The following ARAP2 variants were observed in gnomAD, a reference collection of about 807,000 sequenced individuals.
ARAP2 encodes the protein arf-GAP with Rho-GAP domain, ANK repeat and PH domain-containing protein 2.
A neutral mutation model predicts 194.5 loss-of-function variants in ARAP2; 148 were observed. That is an observed-to-expected ratio of 0.76 (90% CI 0.67 to 0.87). ARAP2 has a LOEUF of 0.87. ARAP2 is among the 40% of genes least tolerant of loss of function. The pLI, the probability that ARAP2 is intolerant of heterozygous loss-of-function variation, is 0.00. For synonymous variants in ARAP2, 695 were observed against 683.5 expected (o/e 1.02, Z -0.26); for missense variants, 2,128 against 1,989.7 (o/e 1.07, Z -1.32).
intron 6 of ARAP2, among the ~76,000 whole-genome samples, chr4:36,018,383 G>A (rs1647052715): frequency 6.6e-6 from 1 of 150,394 alleles, no homozygotes; most frequent in Admixed American, 6.6e-5. Context: ...TTGACCAACA[G>A]CAATGTAGAA....
At chr4:36,043,916 AAGAGAAAGAAAG>A (rs1721378483) in intron 5 of ARAP2, among the ~76,000 whole-genome samples, 1 of 132,320 alleles carries the variant, frequency 7.6e-6, no homozygotes, top group African/African-American at 2.8e-5. Context: ...GAGAAAGAAA[AAGAGAAAGAAAG>A]AGAGAAAGAA....
chr4:36,199,078 G>C (rs1227381518), intron 6 of ARAP2, among the ~76,000 whole-genome samples: 1 of 152,236 alleles, frequency 6.6e-6, no homozygotes, highest in African/African-American at 2.4e-5. Flanking sequence ...GGAAGGGGCA[G>C]GGCTCCCACT....
Position 36,210,706 on chromosome 4 carries a change from T to C in ARAP2, c.1171A>G (p.Lys391Glu). The C allele has an allele frequency of 3.1e-6, 5 of 1,607,240 alleles. No homozygotes were observed. Among genetic ancestry groups the C allele is most frequent in the South Asian group, 1.1e-5 (1 of 89,652 alleles). ...CGAGGTATCCAAATATCTTCCACCT[T>C]GTCCTCGCTTATTTTCTCCTTTCTG... ...DNRKEKISED[K>E]VEDIWIPRED... is the part of the protein sequence containing the mutation. The change falls in exon 6 of 33, where the codon AAG (lysine) becomes GAG (glutamate). Residue 391 changes from lysine to glutamate, a missense_variant. By Grantham distance (56) the Lys-to-Glu change is moderately conservative. Coordinates refer to ENST00000303965, the MANE Select transcript of ARAP2 (RefSeq NM_015230.4).
chr4:36,196,045 T>A (rs1743026772), intron 6 of ARAP2, among the ~76,000 whole-genome samples: 1 of 152,196 alleles, frequency 6.6e-6, no homozygotes. Flanking sequence ...TCAGCACTCA[T>A]ATAATCAGCA....
chr4:36,218,105 T>C (rs1748372137), intron 2 of ARAP2, among the ~76,000 whole-genome samples: 3 of 152,090 alleles, frequency 2.0e-5, no homozygotes, highest in African/African-American at 4.8e-5. Flanking sequence ...AAACACTATA[T>C]TACTGATAAA....
intron 30 of ARAP2, among the ~76,000 whole-genome samples, chr4:36,080,499 C>T (rs1729273278): frequency 6.6e-6 from 1 of 152,166 alleles, no homozygotes; most frequent in Non-Finnish European, 1.5e-5. Context: ...AAACAAAATA[C>T]AACTGAAGCC....
At chr4:36,071,815 G>T (rs923684811) in intron 32 of ARAP2, among the ~76,000 whole-genome samples, 1 of 150,870 alleles carries the variant, frequency 6.6e-6, no homozygotes, top group South Asian at 2.1e-4. Flanking sequence ...TCGTCATCTA[G>T]CATTAGGTAT....
intron 6 of ARAP2, among the ~76,000 whole-genome samples, chr4:36,195,585 T>C (rs1317830057): frequency 1.3e-5 from 2 of 152,226 alleles, no homozygotes; most frequent in Non-Finnish European, 2.9e-5. Context: ...TAGAGCTCAA[T>C]TACATATATA....
At chr4:36,210,109 C>T (rs367927332) in intron 6 of ARAP2, among the ~76,000 whole-genome samples, 21 of 152,158 alleles carry the variant, frequency 1.4e-4, no homozygotes, top group East Asian at 1.4e-3. Context: ...CATTTTGATG[C>T]GAACTTAGAA....
chr4:36,105,303 G>T (rs1160360861), intron 27 of ARAP2, among the ~76,000 whole-genome samples: 1 of 151,994 alleles, frequency 6.6e-6, no homozygotes, highest in Non-Finnish European at 1.5e-5. Flanking sequence ...TAGCCTAGGT[G>T]ACACAGCAAG....
At chr4:36,047,793 A>C (rs928448542) in intron 3 of ARAP2, among the ~76,000 whole-genome samples, 23 of 152,206 alleles carry the variant, frequency 1.5e-4, no homozygotes, top group Non-Finnish European at 2.1e-4. Context: ...AAATTTCATT[A>C]GTATTCTTAT....
intron 27 of ARAP2, among the ~76,000 whole-genome samples, chr4:36,093,631 A>T (rs1197156949): frequency 6.6e-6 from 1 of 152,158 alleles, no homozygotes; most frequent in Non-Finnish European, 1.5e-5. Flanking sequence ...CAACTTAAAA[A>T]AAAATTGTAT....
intron 11 of ARAP2, 94 bp from the exon 12 acceptor site, chr4:36,161,644 C>T (rs1411560816): frequency 1.1e-5 from 11 of 957,600 alleles, no homozygotes; most frequent in South Asian, 5.7e-5. Flanking sequence ...TGTGTATGTT[C>T]GTTGCGTATC....
At chr4:36,177,585 A>C (rs1738253011) in intron 9 of ARAP2, among the ~76,000 whole-genome samples, 2 of 152,144 alleles carry the variant, frequency 1.3e-5, no homozygotes, top group African/African-American at 4.8e-5. Context: ...TATTTTCAAT[A>C]ATTTTACTTC....
chr4:36,044,252 A>G lies in ARAP2; in HGVS notation n.607+1727T>C, dbSNP rs529692584. Among the ~76,000 whole-genome samples, 3 of 152,358 alleles carry G rather than the reference A, an allele frequency of 2.0e-5. No homozygotes were observed. The South Asian group carries it at 6.2e-4, about 32-fold the overall frequency. Reference sequence around the variant, plus strand: ...TTATTTGGCAAACTAGAGGCCATTCATGATCTCGATTAGAAGTAGTTTGTT... The same window carrying G: ...TTATTTGGCAAACTAGAGGCCATTCGTGATCTCGATTAGAAGTAGTTTGTT... On this transcript the variant is annotated intron_variant and non_coding_transcript_variant, in intron 5 of 12. Coordinates refer to the ARAP2 transcript ENST00000503225.
At position 36,095,324 on chromosome 4, in the gene ARAP2, G is replaced by A. The variant is rs1341104979; in HGVS notation, c.4286-3304C>T. ...ATTTTATTTTTAGCATGTTCTAAAT[G>A]GCTAAATGTGTTTCTGGGATTCCTA... On this transcript the variant is annotated intron_variant, in intron 27 of 32. Coordinates refer to ENST00000303965, the MANE Select transcript of ARAP2 (RefSeq NM_015230.4). 3.9e-5 allele frequency among the ~76,000 whole-genome samples: 6 copies of A among 152,036 alleles called. No individual in the cohort carries two copies. The East Asian group carries it at 1.2e-3, about 29-fold the overall frequency.
chr4:36,075,195 A>C (rs1388947150), intron 31 of ARAP2, among the ~76,000 whole-genome samples: 1 of 152,144 alleles, frequency 6.6e-6, no homozygotes, highest in African/African-American at 2.4e-5. Context: ...CTTTCAAATC[A>C]CTGATGTGTA....
intron 7 of ARAP2, among the ~76,000 whole-genome samples, chr4:36,193,337 G>C (rs1742362909): frequency 6.6e-6 from 1 of 152,148 alleles, no homozygotes; most frequent in African/African-American, 2.4e-5. Flanking sequence ...TAGATTATGA[G>C]CTACAAAAAA....
chr4:36,124,878 T>C lies in ARAP2; in HGVS notation c.3730A>G (p.Ile1244Val). 6.2e-7 allele frequency: 1 copy of C among 1,608,542 alleles called. No individual in the cohort carries two copies. Among genetic ancestry groups the C allele is most frequent in the South Asian group, 1.1e-5 (1 of 90,610 alleles). ...GVNRATLAAI[I>V]EHLYRVQKCS... ...TCTACCCACCTATACAGGTGTTCAA[T>C]GATAGCTGCTAGTGTTGCTCGGTTG... is the stretch of plus-strand genomic sequence containing the variant. The change falls in exon 22 of 33, where the codon ATT becomes GTT. Residue 1244 changes from isoleucine (I) to valine (V), a missense_variant. Ile to Val is a conservative substitution (Grantham distance 29). Transcript: ENST00000303965.
Sources: gnomAD v4.1 joint callset for allele counts (sites outside exome capture counted in the v4.1 genomes callset) on GRCh38, gnomAD v4.1.1 for gene constraint, MANE v1.5 for transcripts, NCBI Gene and HGNC (gene_info 2026-07-23, HGNC 2026-07-21) for gene names.